CSMD1: variants seen among roughly 807,000 people sequenced by gnomAD.
CSMD1 encodes the protein CUB and Sushi multiple domains 1.
In CSMD1, 213 loss-of-function variants were observed where a neutral mutation model predicts 417.5. The observed-to-expected ratio is 0.51, with a 90% CI of 0.46 to 0.57. The LOEUF (loss-of-function observed/expected upper bound fraction) is 0.57. CSMD1 is among the 20% of genes least tolerant of loss of function. CSMD1 has a pLI of 0.00. For synonymous variants in CSMD1, 2,862 were observed against 1,736.8 expected (o/e 1.65, Z -16.11); for missense variants, 6,923 against 4,529.7 (o/e 1.53, Z -15.17).
chr8:3,784,948 G>T (rs542208326), intron 5 of CSMD1, among the ~76,000 whole-genome samples: 2 of 152,228 alleles, frequency 1.3e-5, no homozygotes, highest in South Asian at 4.1e-4. Flanking sequence ...AAAATATACT[G>T]CTGTAGAATT....
chr8:4,096,009 G>A (rs1800987489), intron 3 of CSMD1, among the ~76,000 whole-genome samples: 1 of 152,072 alleles, frequency 6.6e-6, no homozygotes, highest in South Asian at 2.1e-4. Flanking sequence ...AGAAACATAG[G>A]AAAGGATAAT....
chr8:4,489,878 C>G (rs1007162918), intron 2 of CSMD1, among the ~76,000 whole-genome samples: 1 of 152,122 alleles, frequency 6.6e-6, no homozygotes, highest in Admixed American at 6.6e-5. Context: ...ATGCCTTGCC[C>G]AGACTACGAC....
chr8:3,286,902 C>T (rs1373793071), intron 25 of CSMD1, among the ~76,000 whole-genome samples: 1 of 152,108 alleles, frequency 6.6e-6, no homozygotes, highest in South Asian at 2.1e-4. Flanking sequence ...CTTGCCCATG[C>T]CTATGTCCTG....
intron 1 of CSMD1, among the ~76,000 whole-genome samples, chr8:4,937,338 G>C (rs919774673): frequency 2.0e-5 from 3 of 152,168 alleles, no homozygotes; most frequent in East Asian, 1.9e-4. Context: ...GTTTGTTTTT[G>C]TAAAATAGTG....
intron 6 of CSMD1, among the ~76,000 whole-genome samples, chr8:3,744,751 T>G (rs184454633): frequency 6.6e-6 from 1 of 152,228 alleles, no homozygotes; most frequent in Non-Finnish European, 1.5e-5. Flanking sequence ...ATTAGGGTAA[T>G]GTAGGTACTC....
chr8:3,762,508 G>A (rs1015645957), intron 5 of CSMD1, among the ~76,000 whole-genome samples: 1 of 152,210 alleles, frequency 6.6e-6, no homozygotes, highest in Non-Finnish European at 1.5e-5. Context: ...GGCTGAGGTA[G>A]GATGTTTATA....
chr8:4,369,358 C>G (rs1490408801), intron 3 of CSMD1, among the ~76,000 whole-genome samples: 1 of 151,972 alleles, frequency 6.6e-6, no homozygotes, highest in African/African-American at 2.4e-5. Context: ...GCTTTAAGGC[C>G]AAGCATGTGG....
At position 3,179,637 on chromosome 8, in the gene CSMD1, A is replaced by T. The variant is rs564186177; in HGVS notation, c.5725+1473T>A. Among the ~76,000 whole-genome samples, 4 of 152,316 alleles carry T rather than the reference A, an allele frequency of 2.6e-5. No homozygotes were observed. The East Asian group carries it at 7.7e-4, about 29-fold the overall frequency. ...CTCTTTCCAAGACAAAGGAATAAAAACCCAGATGCTACAGGATAACTTTGA... is the reference window on the plus strand; with the variant it reads ...CTCTTTCCAAGACAAAGGAATAAAATCCCAGATGCTACAGGATAACTTTGA... On this transcript the variant is annotated intron_variant, in intron 37 of 69. Coordinates refer to ENST00000635120, the MANE Select transcript of CSMD1 (RefSeq NM_033225.6).
rs1351287040 is a variant in CSMD1 at position 3,061,150 on chromosome 8, C to T, written c.7475-8503G>A. ...GGTATTTGTCTGTTTGTTTATGACT[C>T]GGACAATGTATATAAAGTATCCAAA... On this transcript the variant is annotated intron_variant, in intron 49 of 69. Transcript: ENST00000635120. Among the ~76,000 whole-genome samples, 3 of 152,240 alleles carry T rather than the reference C, an allele frequency of 2.0e-5. No homozygotes were observed. The East Asian group carries it at 5.8e-4, about 29-fold the overall frequency.
At chr8:3,223,933 G>T (rs535899929) in intron 27 of CSMD1, 66 bp from the exon 28 acceptor site, 2 of 1,507,412 alleles carry the variant, frequency 1.3e-6, no homozygotes, top group Admixed American at 3.7e-5. Context: ...AGTCAGTGTG[G>T]AAGGAGACAC....
intron 10 of CSMD1, among the ~76,000 whole-genome samples, chr8:3,522,221 A>G (rs1244850570): frequency 6.6e-6 from 1 of 152,206 alleles, no homozygotes; most frequent in Non-Finnish European, 1.5e-5. Context: ...ATTTTATCTT[A>G]CATAAAATAT....
intron 7 of CSMD1, among the ~76,000 whole-genome samples, chr8:3,653,659 G>A (rs542975947): frequency 4.6e-5 from 7 of 152,196 alleles, no homozygotes; most frequent in East Asian, 3.9e-4. Context: ...AGCCTGATAA[G>A]GGCCAGCTTT....
At chr8:4,216,164 C>G (rs532700325) in intron 3 of CSMD1, among the ~76,000 whole-genome samples, 2 of 152,290 alleles carry the variant, frequency 1.3e-5, no homozygotes, top group Admixed American at 6.5e-5. Flanking sequence ...CAGGACAGGA[C>G]CAGCCTATGA....
At chr8:3,015,731 G>T (rs540719946) in intron 52 of CSMD1, among the ~76,000 whole-genome samples, 2 of 151,918 alleles carry the variant, frequency 1.3e-5, no homozygotes, top group South Asian at 2.1e-4. Context: ...TTAACTTGGT[G>T]GAAACCCAAA....
intron 4 of CSMD1, among the ~76,000 whole-genome samples, chr8:4,027,174 C>T (rs2688357): frequency 3.3e-5 from 5 of 151,790 alleles, no homozygotes; most frequent in African/African-American, 1.2e-4. Flanking sequence ...TTAGTTACGA[C>T]GAGGTAAGAA....
chr8:4,470,490 A>C (rs747386815), intron 2 of CSMD1, among the ~76,000 whole-genome samples: 1 of 152,246 alleles, frequency 6.6e-6, no homozygotes, highest in African/African-American at 2.4e-5. Flanking sequence ...AACTGGAAGG[A>C]TAAGTGCATC....
intron 5 of CSMD1, among the ~76,000 whole-genome samples, chr8:3,936,262 T>G (rs1307333282): frequency 1.3e-5 from 2 of 151,510 alleles, no homozygotes; most frequent in Non-Finnish European, 2.9e-5. Context: ...CTACAGCAAG[T>G]TATCCAGAAG....
rs549747152 is a variant in CSMD1, at chr8:2,970,426, C to G, written c.8923+2691G>C. Among the ~76,000 whole-genome samples, 241 of 152,304 alleles carry G rather than the reference C, an allele frequency of 1.6e-3. 1 individual carries two copies. The highest frequency in any genetic ancestry group is 5.7e-3 in the African/African-American group (235 of 41,562). On this transcript the variant is annotated intron_variant, in intron 57 of 69. Coordinates refer to ENST00000635120, the MANE Select transcript of CSMD1 (RefSeq NM_033225.6). ...GTCTCTGCTCTTCATACACCAAGTT[C>G]AGGCTGCAAACCAGGGTTTAGGCTC...
At chr8:3,512,640 C>T (rs1455431929) in intron 10 of CSMD1, among the ~76,000 whole-genome samples, 4 of 142,978 alleles carry the variant, frequency 2.8e-5, no homozygotes, top group Admixed American at 1.5e-4. Flanking sequence ...CTTGCTTTGT[C>T]GCCAGGCTGG....
Sources: gnomAD v4.1 joint callset for allele counts (sites outside exome capture counted in the v4.1 genomes callset) on GRCh38, gnomAD v4.1.1 for gene constraint, MANE v1.5 for transcripts, NCBI Gene and HGNC (gene_info 2026-07-23, HGNC 2026-07-21) for gene names.